Variants in GIMD1 observed in about 807,000 individuals in gnomAD.
GIMD1 encodes the protein GIMAP family P-loop NTPase domain containing 1.
In GIMD1, 14 loss-of-function variants were observed where a neutral mutation model predicts 14.9. The ratio of observed to expected loss-of-function variants is 0.94; its 90% CI spans 0.62 to 1.47. GIMD1 has a LOEUF of 1.47. Ranked by LOEUF, GIMD1 falls within the 40% of genes most tolerant of loss-of-function variation. The pLI is 0.00. For missense variants in GIMD1, 272 were observed against 255.3 expected (o/e 1.07, Z -0.44); for synonymous variants, 91 against 90.5 (o/e 1.01, Z -0.03).
Position 106,367,047 on chromosome 4 carries a change from A to T in GIMD1, c.389T>A (p.Ile130Asn). 1.3e-6 allele frequency: 2 copies of T among 1,514,128 alleles called. No homozygotes were observed. The highest frequency in any genetic ancestry group is 1.8e-6 in the Non-Finnish European group (2 of 1,134,660). The allele number at this position is 1,514,128 out of a possible 1,614,324, so 93.8% of individuals were successfully genotyped here. Residue 130 changes from isoleucine to asparagine, a missense_variant, in exon 2 of 3, where the codon ATC (isoleucine) becomes AAC (asparagine). Physicochemically the swap from Ile to Asn is moderately radical, Grantham distance 149 (BLOSUM62 -3). Coordinates refer to ENST00000638719, the MANE Select transcript of GIMD1 (RefSeq NM_001195138.2). Reference protein sequence around the residue: ...GQEVTDPVQMIQELLGHAWMN... With the variant: ...GQEVTDPVQMNQELLGHAWMN... ...GTAATTGCATCTTAGTATTACCTGG[A>T]TCATCTGGACTGGGTCAGTTACTTC...
intron 1 of GIMD1, among the ~76,000 whole-genome samples, chr4:106,367,953 GT>G (rs1345994845): frequency 6.6e-6 from 1 of 151,936 alleles, no homozygotes; most frequent in Non-Finnish European, 1.5e-5. Context: ...TACACAAGTG[GT>G]ATCTGCAAAA....
At chr4:106,362,945 T>A (rs766711533) in intron 2 of GIMD1, among the ~76,000 whole-genome samples, 1 of 152,064 alleles carries the variant, frequency 6.6e-6, no homozygotes, top group Non-Finnish European at 1.5e-5. Context: ...TGGCTGATTA[T>A]TGACAGGCTT....
At chr4:106,365,316 T>G (rs1770680211) in intron 2 of GIMD1, among the ~76,000 whole-genome samples, 1 of 152,118 alleles carries the variant, frequency 6.6e-6, no homozygotes, top group African/African-American at 2.4e-5. Flanking sequence ...TTTCAGGAGT[T>G]ACATGATGAG....
chr4:106,361,684 A>G (rs533716830), intron 2 of GIMD1, among the ~76,000 whole-genome samples: 1 of 152,214 alleles, frequency 6.6e-6, no homozygotes, highest in East Asian at 1.9e-4. Context: ...TACTGCTCTT[A>G]ACTCCTTGAG....
In GIMD1 at chr4:106,367,216, C is replaced by T; in HGVS notation, c.220G>A (p.Asp74Asn). The T allele has an allele frequency of 1.3e-6, 2 of 1,535,744 alleles. No individual in the cohort carries two copies. Among genetic ancestry groups the T allele is most frequent in the Non-Finnish European group, 1.7e-6 (2 of 1,146,702 alleles). Reference sequence around the variant, plus strand: ...CTGCTGTGTGGATAACCTGGAGTGTCCAACACCTGGACCTGCAGGGCTACC... The same window carrying T: ...CTGCTGTGTGGATAACCTGGAGTGTTCAACACCTGGACCTGCAGGGCTACC... ...LEVALQVQVL[D>N]TPGYPHSRLS... Residue 74 changes from aspartate (D) to asparagine (N), a missense_variant, in exon 2 of 3, where the codon GAC becomes AAC. By Grantham distance (23) the Asp-to-Asn change is conservative. Coordinates refer to ENST00000638719, the MANE Select transcript of GIMD1 (RefSeq NM_001195138.2).
At position 106,358,022 on chromosome 4, in the gene GIMD1, G is replaced by C; in HGVS notation, c.*161C>G. On this transcript the variant is annotated 3_prime_UTR_variant, in exon 3 of 3. Coordinates refer to ENST00000638719, the MANE Select transcript of GIMD1 (RefSeq NM_001195138.2). ...GCATTAGAAATCTTGAATCATTGAT[G>C]TTCTTTTTAACTTCTAGTTTTCCAA... 1.9e-6 allele frequency: 1 copy of C among 531,754 alleles called. No homozygotes were observed. The highest frequency in any genetic ancestry group is 2.6e-5 in the South Asian group (1 of 37,852). The allele number at this position is 531,754 out of a possible 1,614,324, so 32.9% of individuals were successfully genotyped here.
chr4:106,365,391 G>GTTT (rs11461687), intron 2 of GIMD1, among the ~76,000 whole-genome samples: 2,060 of 145,372 alleles, frequency 0.014, 21 homozygotes, highest in South Asian at 0.024. Flanking sequence ...ATATGGCTGG[G>GTTT]TTTTTTTTTT....
At chr4:106,358,638 A>C (rs1302946377) in intron 2 of GIMD1, among the ~76,000 whole-genome samples, 195 bp from the exon 3 acceptor site, 1 of 151,948 alleles carries the variant, frequency 6.6e-6, no homozygotes. Flanking sequence ...GACTTTCTGA[A>C]AAAGGCAGGA....
intron 2 of GIMD1, among the ~76,000 whole-genome samples, chr4:106,360,668 A>G (rs1770599427): frequency 6.6e-6 from 1 of 152,040 alleles, no homozygotes; most frequent in Admixed American, 6.6e-5. Flanking sequence ...ATTTAAGCTA[A>G]GGTCATTAGG....
At chr4:106,358,474 C>G in intron 2 of GIMD1, 31 bp from the exon 3 acceptor site, 1 of 1,471,534 alleles carries the variant, frequency 6.8e-7, no homozygotes, top group Non-Finnish European at 9.0e-7. Flanking sequence ...AACTATTGAA[C>G]TTGAACTATA....
At chr4:106,367,933 A>T (rs1487719850) in intron 1 of GIMD1, among the ~76,000 whole-genome samples, 1 of 152,118 alleles carries the variant, frequency 6.6e-6, no homozygotes, top group Non-Finnish European at 1.5e-5. Flanking sequence ...TTCCCGACCC[A>T]CTGCCTGAAT....
At chr4:106,363,577 A>G (rs112461121) in intron 2 of GIMD1, among the ~76,000 whole-genome samples, 10 of 152,268 alleles carry the variant, frequency 6.6e-5, no homozygotes, top group African/African-American at 2.4e-4. Flanking sequence ...TATTTATTAA[A>G]TATAATGCTC....
At chr4:106,364,063 T>G (rs528204425) in intron 2 of GIMD1, among the ~76,000 whole-genome samples, 3 of 152,288 alleles carry the variant, frequency 2.0e-5, no homozygotes, top group African/African-American at 7.2e-5. Flanking sequence ...TTCTTCCTTC[T>G]ATTTCTTGAT....
At chr4:106,362,347 C>T (rs756953914) in intron 2 of GIMD1, among the ~76,000 whole-genome samples, 1 of 151,748 alleles carries the variant, frequency 6.6e-6, no homozygotes, top group Admixed American at 6.6e-5. Flanking sequence ...CTCTATGGAC[C>T]CAGAGAAAGA....
At chr4:106,358,568 A>G in intron 2 of GIMD1, 125 bp from the exon 3 acceptor site, 2 of 695,116 alleles carry the variant, frequency 2.9e-6, no homozygotes. Flanking sequence ...GAAAGCTGAT[A>G]TACAATGTAG....
chr4:106,364,133 C>A (rs1770657523), intron 2 of GIMD1, among the ~76,000 whole-genome samples: 2 of 151,796 alleles, frequency 1.3e-5, no homozygotes, highest in Admixed American at 1.3e-4. Flanking sequence ...AAAGGCCTAA[C>A]AAAAAGAAAA....
intron 2 of GIMD1, among the ~76,000 whole-genome samples, chr4:106,359,627 A>G (rs1447869746): frequency 4.6e-5 from 7 of 151,824 alleles, no homozygotes; most frequent in Admixed American, 6.6e-5. Flanking sequence ...ATATTGAAAG[A>G]CAGTCTGGGA....
intron 2 of GIMD1, among the ~76,000 whole-genome samples, chr4:106,364,740 A>G (rs72878594): frequency 0.027 from 4,099 of 152,276 alleles, 179 homozygotes; most frequent in African/African-American, 0.094. Flanking sequence ...GCCCTAGCTC[A>G]TCTCCTTGCT....
intron 2 of GIMD1, among the ~76,000 whole-genome samples, chr4:106,363,609 A>G (rs1191703410): frequency 1.5e-4 from 23 of 152,084 alleles, no homozygotes; most frequent in Admixed American, 1.5e-3. Flanking sequence ...CATACATAAA[A>G]TTATCTCCAC....
Sources: gnomAD v4.1 joint callset for allele counts (sites outside exome capture counted in the v4.1 genomes callset) on GRCh38, gnomAD v4.1.1 for gene constraint, MANE v1.5 for transcripts, NCBI Gene and HGNC (gene_info 2026-07-23, HGNC 2026-07-21) for gene names.